Variants in TMEM74 observed in about 807,000 individuals in gnomAD.
The protein encoded by TMEM74 is transmembrane protein 74.
A neutral mutation model predicts 18.1 loss-of-function variants in TMEM74; 13 were observed. That is an observed-to-expected ratio of 0.72 (90% CI 0.47 to 1.14). TMEM74 has a LOEUF of 1.14. TMEM74 is among the 50% of genes most tolerant of loss of function. TMEM74 has a pLI of 0.00. For missense variants in TMEM74, 372 were observed against 375.9 expected, an observed-to-expected ratio of 0.99 and a Z score of 0.09; for synonymous variants, 159 against 146.6, an observed-to-expected ratio of 1.08 and a Z score of -0.61.
intron 1 of TMEM74, among the ~76,000 whole-genome samples, chr8:108,704,500 G>A (rs763700383): frequency 6.6e-6 from 1 of 152,184 alleles, no homozygotes; most frequent in East Asian, 1.9e-4. Flanking sequence ...GGAAGGATGT[G>A]TAAAAGTACA....
At chr8:108,693,990 T>A (rs1024200890) in intron 1 of TMEM74, among the ~76,000 whole-genome samples, 1 of 152,222 alleles carries the variant, frequency 6.6e-6, no homozygotes, top group Non-Finnish European at 1.5e-5. Flanking sequence ...GAAACCAACA[T>A]TGTAACATCA....
At chr8:108,727,871 G>C (rs774751321) in intron 1 of TMEM74, among the ~76,000 whole-genome samples, 16 of 152,134 alleles carry the variant, frequency 1.1e-4, no homozygotes, top group Non-Finnish European at 1.8e-4. Context: ...AATAAGATAG[G>C]AAGTAAGTCA....
intron 1 of TMEM74, among the ~76,000 whole-genome samples, chr8:108,727,747 C>T (rs1813653530): frequency 6.6e-6 from 1 of 152,064 alleles, no homozygotes; most frequent in Non-Finnish European, 1.5e-5. Context: ...AGATCACCAA[C>T]CAAAATTGTG....
chr8:108,776,285 G>A (rs1185124503), downstream of TMEM74, among the ~76,000 whole-genome samples: 1 of 152,236 alleles, frequency 6.6e-6, no homozygotes, highest in African/African-American at 2.4e-5. Context: ...TTGAGGTAAG[G>A]AGGTTGAGAC....
At chr8:108,702,568 A>G (rs1301546629) in intron 1 of TMEM74, among the ~76,000 whole-genome samples, 2 of 152,148 alleles carry the variant, frequency 1.3e-5, no homozygotes, top group Admixed American at 6.5e-5. Context: ...TGTAAAACAC[A>G]AAACTGTAAA....
intron 1 of TMEM74, among the ~76,000 whole-genome samples, chr8:108,739,328 G>T (rs1813776590): frequency 6.6e-6 from 1 of 152,158 alleles, no homozygotes; most frequent in Admixed American, 6.6e-5. Flanking sequence ...CAGTCTCATG[G>T]TGCATTCTGG....
In TMEM74 at chr8:108,733,045, T is replaced by C. The variant is rs562482812; in HGVS notation, n.119+54431A>G. On this transcript the variant is annotated intron_variant and non_coding_transcript_variant, in intron 1 of 3. Coordinates refer to the TMEM74 transcript ENST00000518838. ...GTGGAGCATCTGGAACTTCCACATA[T>C]AGTTGGTGGGAGTGTAAAATGGTAC... Among the ~76,000 whole-genome samples, 876 of 152,282 alleles carry C rather than the reference T, an allele frequency of 5.8e-3. 1 individual carries two copies. The highest frequency in any genetic ancestry group is 8.3e-3 in the Non-Finnish European group (564 of 68,012).
intron 1 of TMEM74, among the ~76,000 whole-genome samples, chr8:108,669,765 T>C (rs116793736): frequency 0.029 from 4,458 of 152,198 alleles, 116 homozygotes; most frequent in African/African-American, 0.066. Context: ...GGGCCAGGCA[T>C]GGTGGCTCAC....
intron 2 of TMEM74, among the ~76,000 whole-genome samples, chr8:108,629,678 T>C (rs1450431606): frequency 1.3e-5 from 2 of 152,018 alleles, no homozygotes; most frequent in African/African-American, 4.8e-5. Flanking sequence ...GGGGCCAACA[T>C]TCAACATTCT....
At chr8:108,675,850 AC>A (rs536736772) in intron 1 of TMEM74, among the ~76,000 whole-genome samples, 103 of 152,230 alleles carry the variant, frequency 6.8e-4, no homozygotes, top group Non-Finnish European at 1.3e-3. Context: ...AGGGGATGCC[AC>A]TTATTTGGAA....
At chr8:108,759,152 AG>A (rs1172870072) in intron 1 of TMEM74, among the ~76,000 whole-genome samples, 4 of 152,096 alleles carry the variant, frequency 2.6e-5, no homozygotes, top group African/African-American at 9.7e-5. Context: ...GGAAGTAAAA[AG>A]GGGTATGAGA....
chr8:108,776,329 C>A (rs1400918815), downstream of TMEM74, among the ~76,000 whole-genome samples: 1 of 152,172 alleles, frequency 6.6e-6, no homozygotes, highest in African/African-American at 2.4e-5. Context: ...TCTGTCTCTA[C>A]TAAAAATACA....
Position 108,783,029 on chromosome 8 carries a change from C to T in TMEM74, c.*1152G>A, listed in dbSNP as rs1461721253. The stretch of plus-strand genomic sequence containing the variant: ...CACAGTTGCTGAATGACATCTAGAC[C>T]ACTGTGAGTGGGAGGTGAGTTCTGA... On this transcript the variant is annotated 3_prime_UTR_variant, in exon 2 of 2. Coordinates refer to ENST00000297459, the MANE Select transcript of TMEM74 (RefSeq NM_153015.3). Among the ~76,000 whole-genome samples the T allele has an allele frequency of 6.6e-6, 1 of 152,168 alleles. No homozygotes were observed. The highest frequency in any genetic ancestry group is 2.4e-5 in the African/African-American group (1 of 41,452).
At chr8:108,639,448 C>A (rs760536790) in intron 2 of TMEM74, among the ~76,000 whole-genome samples, 1 of 152,096 alleles carries the variant, frequency 6.6e-6, no homozygotes, top group East Asian at 1.9e-4. Flanking sequence ...CACACACACA[C>A]ATTACATATA....
chr8:108,774,747 C>T (rs111293176), downstream of TMEM74, among the ~76,000 whole-genome samples: 958 of 148,864 alleles, frequency 6.4e-3, 7 homozygotes, highest in African/African-American at 0.023. Context: ...TAGTCTCTCC[C>T]TTCCTTTAAT....
chr8:108,619,800 A>C (rs966080609), intron 2 of TMEM74, among the ~76,000 whole-genome samples: 1 of 152,196 alleles, frequency 6.6e-6, no homozygotes, highest in African/African-American at 2.4e-5. Context: ...ATTTATGTGT[A>C]AGATCTTCAG....
chr8:108,772,208 T>G (rs916680404), intron 1 of TMEM74, among the ~76,000 whole-genome samples: 17 of 152,198 alleles, frequency 1.1e-4, no homozygotes, highest in Admixed American at 3.3e-4. Flanking sequence ...CTTTGGGTCA[T>G]GTTTTCTAAC....
chr8:108,725,881 A>G (rs1219749007), intron 1 of TMEM74, among the ~76,000 whole-genome samples: 1 of 152,186 alleles, frequency 6.6e-6, no homozygotes, highest in African/African-American at 2.4e-5. Flanking sequence ...TCAAAGGATA[A>G]TGTAACATTT....
chr8:108,619,778 C>T (rs1027864157), intron 2 of TMEM74, among the ~76,000 whole-genome samples: 4 of 152,212 alleles, frequency 2.6e-5, no homozygotes, highest in East Asian at 1.9e-4. Context: ...TTGTTCAAAA[C>T]GTAAAAAAGT....
Sources: gnomAD v4.1 joint callset for allele counts (sites outside exome capture counted in the v4.1 genomes callset) on GRCh38, gnomAD v4.1.1 for gene constraint, MANE v1.5 for transcripts, NCBI Gene and HGNC (gene_info 2026-07-23, HGNC 2026-07-21) for gene names.